CARMIL1: variants seen among roughly 807,000 people sequenced by gnomAD.
The protein encoded by CARMIL1 is capping protein regulator and myosin 1 linker 1, also known as F-actin-uncapping protein LRRC16A.
Under a neutral mutation model 177.1 loss-of-function variants are expected in CARMIL1, and 90 were observed. That is an observed-to-expected ratio of 0.51 (90% CI 0.43 to 0.61). The LOEUF is 0.61. Ranked by LOEUF, CARMIL1 falls within the 20% of genes least tolerant of loss-of-function variation. The probability of loss-of-function intolerance (pLI) is 0.00; values close to 1 mark genes in which losing one functional copy is unlikely to be tolerated. For synonymous variants in CARMIL1, 577 were observed against 606.2 expected (o/e 0.95, Z 0.71); for missense variants, 1,380 against 1,667.0 (o/e 0.83, Z 3.00).
intron 2 of CARMIL1, among the ~76,000 whole-genome samples, chr6:25,392,057 T>C (rs1282671805): frequency 4.4e-3 from 6 of 1,350 alleles, no homozygotes; most frequent in African/African-American, 0.024. Flanking sequence ...TATATGCATG[T>C]GTGTGTGTGT....
chr6:25,333,440 G>C (rs71555191), intron 2 of CARMIL1, among the ~76,000 whole-genome samples: 20,492 of 152,024 alleles, frequency 0.13, 1,416 homozygotes, highest in Middle Eastern at 0.19. Flanking sequence ...GATGAGTGCA[G>C]CTGTAGTCCC....
intron 31 of CARMIL1, among the ~76,000 whole-genome samples, chr6:25,582,433 G>A (rs556796562): frequency 6.6e-6 from 1 of 152,188 alleles, no homozygotes; most frequent in Non-Finnish European, 1.5e-5. Flanking sequence ...GTTGTTGACT[G>A]TAGATTTCTG....
chr6:25,505,342 G>T (rs1332313092), intron 17 of CARMIL1, among the ~76,000 whole-genome samples: 1 of 152,166 alleles, frequency 6.6e-6, no homozygotes, highest in East Asian at 1.9e-4. Flanking sequence ...TGCCCTGTAG[G>T]TTAGTTCTAA....
chr6:25,388,958 C>T (rs901793261), intron 2 of CARMIL1, among the ~76,000 whole-genome samples: 1 of 152,136 alleles, frequency 6.6e-6, no homozygotes, highest in Admixed American at 6.5e-5. Flanking sequence ...GCTGAGATTA[C>T]AGACATGAGC....
chr6:25,536,028 G>A (rs1808266545), intron 24 of CARMIL1, among the ~76,000 whole-genome samples: 1 of 151,988 alleles, frequency 6.6e-6, no homozygotes, highest in Non-Finnish European at 1.5e-5. Flanking sequence ...AATGCTTAAG[G>A]GCATACATTT....
At chr6:25,586,667 T>C (rs1304267688) in intron 31 of CARMIL1, among the ~76,000 whole-genome samples, 2 of 151,962 alleles carry the variant, frequency 1.3e-5, no homozygotes, top group Non-Finnish European at 2.9e-5. Flanking sequence ...TGGGCAACAT[T>C]GAGCATTGAG....
At chr6:25,556,563 A>G (rs915058964) in intron 28 of CARMIL1, 138 bp from the exon 29 acceptor site, 11 of 650,470 alleles carry the variant, frequency 1.7e-5, no homozygotes, top group Non-Finnish European at 2.9e-5. Flanking sequence ...TGTACTGTGA[A>G]TGTATTAAGA....
At chr6:25,317,817 A>G (rs1784395678) in intron 2 of CARMIL1, among the ~76,000 whole-genome samples, 1 of 152,048 alleles carries the variant, frequency 6.6e-6, no homozygotes, top group Non-Finnish European at 1.5e-5. Context: ...CGTCCGCATT[A>G]TCCTCCCAAA....
chr6:25,586,773 C>T (rs1161705151), intron 31 of CARMIL1, among the ~76,000 whole-genome samples: 2 of 151,942 alleles, frequency 1.3e-5, no homozygotes, highest in African/African-American at 2.4e-5. Flanking sequence ...GCCAACACGG[C>T]GAAACCCCGT....
intron 8 of CARMIL1, among the ~76,000 whole-genome samples, chr6:25,463,915 C>T (rs888018045): frequency 1.3e-5 from 2 of 148,326 alleles, no homozygotes; most frequent in African/African-American, 5.0e-5. Context: ...CTCTGCCTCC[C>T]GGGTTCACGC....
chr6:25,555,701 G>C (rs1175020546), intron 28 of CARMIL1, among the ~76,000 whole-genome samples: 1 of 152,012 alleles, frequency 6.6e-6, no homozygotes, highest in African/African-American at 2.4e-5. Flanking sequence ...CTGGCCTAGA[G>C]CATCCTTTTA....
intron 8 of CARMIL1, chr6:25,452,424 G>C: frequency 1.8e-6 from 1 of 553,486 alleles, no homozygotes; most frequent in Non-Finnish European, 3.2e-6. Context: ...GAAGTTTACA[G>C]TCCTCCAGTG....
At chr6:25,591,601 A>G (rs143959525) in intron 31 of CARMIL1, among the ~76,000 whole-genome samples, 6 of 152,352 alleles carry the variant, frequency 3.9e-5, no homozygotes, top group African/African-American at 9.6e-5. Flanking sequence ...TTTGTTAGAA[A>G]AGGAGCTGAA....
chr6:25,409,416 G>A (rs1045771513), intron 2 of CARMIL1, among the ~76,000 whole-genome samples: 3 of 152,162 alleles, frequency 2.0e-5, no homozygotes, highest in Non-Finnish European at 4.4e-5. Flanking sequence ...GTTATCTCTA[G>A]TACTTAAACT....
intron 28 of CARMIL1, among the ~76,000 whole-genome samples, chr6:25,555,489 C>G (rs180879098): frequency 1.3e-5 from 2 of 152,146 alleles, no homozygotes; most frequent in East Asian, 3.9e-4. Context: ...CAACCTCTGC[C>G]CCTAGGTTCA....
chr6:25,477,952 C>T (rs1025325621), intron 11 of CARMIL1, among the ~76,000 whole-genome samples: 1 of 146,740 alleles, frequency 6.8e-6, no homozygotes, highest in Admixed American at 7.0e-5. Context: ...ATTTCCTGGG[C>T]TCAAGCCATC....
intron 2 of CARMIL1, among the ~76,000 whole-genome samples, chr6:25,315,760 T>C (rs1784225748): frequency 6.6e-6 from 1 of 152,220 alleles, no homozygotes; most frequent in Non-Finnish European, 1.5e-5. Context: ...TAGTTTTCCT[T>C]TTGCTGTGCT....
intron 2 of CARMIL1, among the ~76,000 whole-genome samples, chr6:25,400,065 C>T (rs1422381721): frequency 1.3e-5 from 2 of 152,160 alleles, no homozygotes; most frequent in East Asian, 1.9e-4. Flanking sequence ...TCTTGAGAAG[C>T]GCTGTACCAT....
At chr6:25,553,395 A>C (rs541690011) in intron 27 of CARMIL1, among the ~76,000 whole-genome samples, 1 of 152,348 alleles carries the variant, frequency 6.6e-6, no homozygotes, top group African/African-American at 2.4e-5. Context: ...TAGTAAAAAC[A>C]ACAAGCCACT....
Sources: allele counts gnomAD v4.1 joint callset (sites outside exome capture counted in the v4.1 genomes callset), GRCh38; gene constraint gnomAD v4.1.1; transcripts MANE v1.5; gene names NCBI Gene and HGNC (gene_info 2026-07-23, HGNC 2026-07-21).